RBFOX1: variants seen among roughly 807,000 people sequenced by gnomAD.
The protein encoded by RBFOX1 is RNA binding protein fox-1 homolog 1.
Under a neutral mutation model 57.7 loss-of-function variants are expected in RBFOX1, and 8 were observed. The ratio of observed to expected loss-of-function variants is 0.14; its 90% CI spans 0.08 to 0.25. RBFOX1 has a LOEUF of 0.25. Ranked by LOEUF, RBFOX1 falls within the 10% of genes least tolerant of loss-of-function variation. The probability of loss-of-function intolerance (pLI) is 1.00; values close to 1 mark genes in which losing one functional copy is unlikely to be tolerated. For missense variants in RBFOX1, 611 were observed against 548.5 expected, an observed-to-expected ratio of 1.11 and a Z score of -1.14; for synonymous variants, 326 against 222.4, an observed-to-expected ratio of 1.47 and a Z score of -4.15.
At chr16:6,561,813 T>G (rs1021907224) in intron 2 of RBFOX1, among the ~76,000 whole-genome samples, 1 of 152,128 alleles carries the variant, frequency 6.6e-6, no homozygotes, top group African/African-American at 2.4e-5. Context: ...TAGGGGCCAG[T>G]TTTTTAGTTG....
At chr16:5,508,769 G>C (rs980477290) in intron 2 of RBFOX1, among the ~76,000 whole-genome samples, 6 of 152,226 alleles carry the variant, frequency 3.9e-5, no homozygotes, top group South Asian at 2.1e-4. Context: ...GGGGATCACA[G>C]GGCCAGCTCA....
chr16:5,272,799 C>A (rs1461668470), intron 1 of RBFOX1, among the ~76,000 whole-genome samples: 1 of 152,064 alleles, frequency 6.6e-6, no homozygotes, highest in Non-Finnish European at 1.5e-5. Flanking sequence ...AATTCTGAGC[C>A]CTGGTTCCTT....
At chr16:7,067,766 A>G (rs1002523937) in intron 4 of RBFOX1, among the ~76,000 whole-genome samples, 6 of 139,602 alleles carry the variant, frequency 4.3e-5, no homozygotes, top group African/African-American at 8.1e-5. Context: ...ATTCCTACCT[A>G]TGAGTGAGAA....
intron 9 of RBFOX1, among the ~76,000 whole-genome samples, chr16:7,600,467 T>A (rs1013165): frequency 9.0e-4 from 137 of 152,254 alleles, no homozygotes; most frequent in African/African-American, 3.2e-3. Context: ...GGCCCTTTCA[T>A]ATCCTTAATA....
At chr16:5,679,577 C>T (rs1247152030) in intron 3 of RBFOX1, among the ~76,000 whole-genome samples, 1 of 152,134 alleles carries the variant, frequency 6.6e-6, no homozygotes, top group Non-Finnish European at 1.5e-5. Flanking sequence ...TTGTTCAACT[C>T]CCACTTATGA....
Position 7,683,841 on chromosome 16 carries a change from T to A in RBFOX1, c.995+7003T>A, listed in dbSNP as rs756457006. ...CCTATGAATGAGCCATTTCTATTGC[T>A]AAAAAAAAACCTGCATTCTAGAAGA... On this transcript the variant is annotated intron_variant, in intron 14 of 15. Transcript: ENST00000550418. 7.4e-3 allele frequency among the ~76,000 whole-genome samples: 1,121 copies of A among 151,088 alleles called. 10 individuals are homozygous for A. The highest frequency in any genetic ancestry group is 0.012 in the Non-Finnish European group (814 of 67,716).
intron 2 of RBFOX1, among the ~76,000 whole-genome samples, chr16:5,487,882 G>A (rs559646549): frequency 2.6e-5 from 4 of 152,210 alleles, no homozygotes; most frequent in African/African-American, 7.2e-5. Context: ...TGATGGTGGT[G>A]GTAGTGGTGA....
intron 6 of RBFOX1, among the ~76,000 whole-genome samples, chr16:7,580,744 G>T (rs1317976823): frequency 6.6e-6 from 1 of 152,180 alleles, no homozygotes; most frequent in South Asian, 2.1e-4. Context: ...TCTTTGACCA[G>T]TGTTCCACCA....
At chr16:5,818,699 A>G (rs2342747) in intron 3 of RBFOX1, among the ~76,000 whole-genome samples, 102,186 of 152,152 alleles carry the variant, frequency 0.67, 34,460 homozygotes, top group South Asian at 0.7. Flanking sequence ...TCTTGACCGT[A>G]GAGGGGACAA....
chr16:6,791,600 A>T (rs1306173183), intron 3 of RBFOX1, among the ~76,000 whole-genome samples: 1 of 152,160 alleles, frequency 6.6e-6, no homozygotes, highest in Non-Finnish European at 1.5e-5. Context: ...CTCTACTAAA[A>T]ATACAAAAAT....
chr16:5,900,514 C>A (rs1050957835), intron 4 of RBFOX1, among the ~76,000 whole-genome samples: 2 of 152,124 alleles, frequency 1.3e-5, no homozygotes, highest in African/African-American at 4.8e-5. Context: ...CCTTTTGCCC[C>A]AGAGTAGAAA....
intron 4 of RBFOX1, among the ~76,000 whole-genome samples, chr16:7,439,366 A>T (rs1021185789): frequency 1.5e-5 from 1 of 67,720 alleles, no homozygotes; most frequent in Non-Finnish European, 3.4e-5. Context: ...AAGGCAGATT[A>T]AAAAAAAAAA....
intron 1 of RBFOX1, among the ~76,000 whole-genome samples, chr16:6,215,013 GGGGAGAGGTAAAAGGAAATGGAGA>G (rs2097326012): frequency 7.3e-6 from 1 of 136,280 alleles, no homozygotes; most frequent in African/African-American, 2.8e-5. Flanking sequence ...AGAGGGAGAA[GGGGAGAGGTAAAAGGAAATGGAGA>G]GGGAGAGGGG....
intron 1 of RBFOX1, among the ~76,000 whole-genome samples, chr16:5,264,868 C>T (rs1258721894): frequency 6.6e-6 from 1 of 152,090 alleles, no homozygotes; most frequent in African/African-American, 2.4e-5. Flanking sequence ...TGATGGGAAA[C>T]AGAGCACCCC....
rs1447795922 is a variant in RBFOX1, at chr16:7,508,596, C to T, written c.28-9551C>T. ...TCACTCTGTGATGCATTGCAGAGAT[C>T]CCCAAGGTATGATTGGAAATGGAAA... On this transcript the variant is annotated intron_variant, in intron 4 of 15. Coordinates refer to ENST00000550418, the MANE Select transcript of RBFOX1 (RefSeq NM_018723.4). 2.6e-5 allele frequency among the ~76,000 whole-genome samples: 4 copies of T among 152,136 alleles called. No individual in the cohort carries two copies. In the East Asian group the frequency reaches 7.7e-4, roughly 29 times the overall value.
At chr16:6,867,023 A>AAAAAAAACTT (rs750091140) in intron 3 of RBFOX1, among the ~76,000 whole-genome samples, 14,958 of 151,488 alleles carry the variant, frequency 0.099, 840 homozygotes, top group African/African-American at 0.15. Context: ...CTTTAAAAAA[A>AAAAAAAACTT]AAAAAAAAAA....
intron 2 of RBFOX1, among the ~76,000 whole-genome samples, chr16:5,544,188 A>G (rs1280792547): frequency 1.3e-5 from 2 of 152,180 alleles, no homozygotes; most frequent in Non-Finnish European, 2.9e-5. Flanking sequence ...CCATTAAACC[A>G]GTCTCAATAA....
rs1003027067 is a variant in RBFOX1 at position 7,482,473 on chromosome 16, G to GTTC, written c.28-35672_28-35671insCTT. Among the ~76,000 whole-genome samples the GTTC allele has an allele frequency of 2.9e-4, 25 of 86,590 alleles. 1 individual carries two copies. The highest frequency in any genetic ancestry group is 2.7e-3 in the South Asian group (10 of 3,656). The allele number at this position is 86,590 out of a possible 152,430, so 56.8% of individuals were successfully genotyped here. On this transcript the variant is annotated intron_variant, in intron 4 of 15. Transcript: ENST00000550418. The stretch of plus-strand genomic sequence containing the variant: ...CCCCTCCTTCCATTTCATCCCAGTT[G>GTTC]TTGTTGTTGTTGTTGTTGTTGTTTC...
chr16:5,805,809 C>A (rs2055206730), intron 3 of RBFOX1, among the ~76,000 whole-genome samples: 1 of 152,198 alleles, frequency 6.6e-6, no homozygotes. Flanking sequence ...TATCTCTCTC[C>A]TCCCACCTTC....
Sources: allele counts gnomAD v4.1 joint callset (sites outside exome capture counted in the v4.1 genomes callset), GRCh38; gene constraint gnomAD v4.1.1; transcripts MANE v1.5; gene names NCBI Gene and HGNC (gene_info 2026-07-23, HGNC 2026-07-21).